Variants in MTUS2 observed in about 807,000 individuals in gnomAD.
MTUS2 encodes the protein microtubule-associated tumor suppressor candidate 2.
In MTUS2, 40 loss-of-function variants were observed where a neutral mutation model predicts 114.1. The observed-to-expected ratio is 0.35, with a 90% CI of 0.27 to 0.46. The LOEUF (loss-of-function observed/expected upper bound fraction) is 0.46. Ranked by LOEUF, MTUS2 falls within the 20% of genes least tolerant of loss-of-function variation. The pLI is 1.00. For synonymous variants in MTUS2, 688 were observed against 672.0 expected, an observed-to-expected ratio of 1.02 and a Z score of -0.37; for missense variants, 1,679 against 1,705.4, an observed-to-expected ratio of 0.98 and a Z score of 0.27.
At chr13:29,011,578 T>C (rs1885846140) in intron 2 of MTUS2, among the ~76,000 whole-genome samples, 1 of 152,244 alleles carries the variant, frequency 6.6e-6, no homozygotes, top group Non-Finnish European at 1.5e-5. Flanking sequence ...GCATATATCA[T>C]TTATTTTTCC....
At chr13:28,904,808 G>A (rs1593287395) in intron 2 of MTUS2, among the ~76,000 whole-genome samples, 1 of 152,228 alleles carries the variant, frequency 6.6e-6, no homozygotes, top group East Asian at 1.9e-4. Flanking sequence ...TTGGTAGCTT[G>A]ATGGGGATGG....
At chr13:29,345,526 A>G (rs1868574612) in intron 7 of MTUS2, among the ~76,000 whole-genome samples, 1 of 151,234 alleles carries the variant, frequency 6.6e-6, no homozygotes, top group Admixed American at 6.6e-5. Flanking sequence ...TTTTTTATTT[A>G]TTTATGCTGT....
At chr13:28,934,987 C>A (rs2138104884) in intron 2 of MTUS2, among the ~76,000 whole-genome samples, 1 of 130,536 alleles carries the variant, frequency 7.7e-6, no homozygotes, top group East Asian at 2.3e-4. Flanking sequence ...TAGGTGACCA[C>A]TTGTTTCATC....
chr13:28,888,891 T>G (rs192992603), intron 2 of MTUS2, among the ~76,000 whole-genome samples: 5 of 152,306 alleles, frequency 3.3e-5, no homozygotes, highest in African/African-American at 1.2e-4. Context: ...AATTGCATTG[T>G]CAAGTGTCCA....
chr13:28,849,107 A>G (rs1876081112), intron 2 of MTUS2, among the ~76,000 whole-genome samples: 1 of 152,232 alleles, frequency 6.6e-6, no homozygotes, highest in Admixed American at 6.5e-5. Flanking sequence ...CCCAGTGTCT[A>G]GCACAGACCC....
In MTUS2 at chr13:29,025,492, A is replaced by T; in HGVS notation, c.794A>T (p.His265Leu). 1 of 1,613,556 alleles carries T rather than the reference A, an allele frequency of 6.2e-7. No homozygotes were observed. Among genetic ancestry groups the T allele is most frequent in the Non-Finnish European group, 8.5e-7 (1 of 1,179,700 alleles). Residue 265 changes from histidine (H) to leucine (L), a missense_variant, in exon 3 of 16, where the codon CAT becomes CTT. Physicochemically the swap from His to Leu is moderately conservative, Grantham distance 99. Coordinates refer to ENST00000612955, the MANE Select transcript of MTUS2 (RefSeq NM_001033602.4). ...TCAGAGACCCAAACAGTGGGGGCAC[A>T]TGTACTGCAGGTGTGCAGTGAGCAC... ...TPSETQTVGA[H>L]VLQVCSEHTS...
chr13:29,377,723 G>A (rs1040347530), intron 8 of MTUS2, among the ~76,000 whole-genome samples: 1 of 151,948 alleles, frequency 6.6e-6, no homozygotes. Context: ...AAACAGGAAA[G>A]CAAAACAAAC....
intron 2 of MTUS2, among the ~76,000 whole-genome samples, chr13:29,012,702 A>G (rs1000815740): frequency 3.3e-5 from 5 of 151,970 alleles, no homozygotes; most frequent in South Asian, 2.1e-4. Flanking sequence ...TGCAACCCCC[A>G]TCTCCACTAA....
chr13:29,498,266 G>A, intron 13 of MTUS2, 152 bp from the exon 14 acceptor site: 1 of 1,109,944 alleles, frequency 9.0e-7, no homozygotes, highest in Non-Finnish European at 1.3e-6. Context: ...CCTTTATCAG[G>A]GAAGGCTGTG....
intron 8 of MTUS2, among the ~76,000 whole-genome samples, chr13:29,435,416 C>T (rs1328438958): frequency 6.6e-6 from 1 of 152,168 alleles, no homozygotes; most frequent in Non-Finnish European, 1.5e-5. Context: ...TAGAGGAGGC[C>T]TTGATCATAT....
At chr13:29,344,828 C>T (rs542175800) in intron 7 of MTUS2, among the ~76,000 whole-genome samples, 1 of 152,236 alleles carries the variant, frequency 6.6e-6, no homozygotes, top group South Asian at 2.1e-4. Context: ...TTATAACTCC[C>T]TTTAGCAATC....
intron 5 of MTUS2, among the ~76,000 whole-genome samples, chr13:29,130,241 T>A (rs1164605085): frequency 4.6e-5 from 7 of 152,178 alleles, no homozygotes. Flanking sequence ...TCCAGCTCTT[T>A]CTTTGACTCA....
At chr13:29,450,213 A>C (rs1470166412) in intron 9 of MTUS2, among the ~76,000 whole-genome samples, 1 of 152,092 alleles carries the variant, frequency 6.6e-6, no homozygotes, top group African/African-American at 2.4e-5. Flanking sequence ...GTCACAAGTC[A>C]AATTTAGCCA....
chr13:29,440,919 G>A (rs1316053574), intron 9 of MTUS2, among the ~76,000 whole-genome samples: 5 of 152,170 alleles, frequency 3.3e-5, no homozygotes, highest in Non-Finnish European at 7.4e-5. Context: ...CCTCAGGTGT[G>A]CAGTGGACAG....
At chr13:28,825,414 C>T (rs1874197812) in intron 1 of MTUS2, among the ~76,000 whole-genome samples, 1 of 152,140 alleles carries the variant, frequency 6.6e-6, no homozygotes, top group Non-Finnish European at 1.5e-5. Flanking sequence ...GTCTTAATAT[C>T]AGGAACCTAG....
intron 4 of MTUS2, among the ~76,000 whole-genome samples, chr13:29,087,427 A>C (rs1889742089): frequency 6.6e-6 from 1 of 152,230 alleles, no homozygotes; most frequent in African/African-American, 2.4e-5. Context: ...ATGTTGAACC[A>C]ACCTTACATC....
At chr13:29,073,817 G>A (rs568471958) in intron 4 of MTUS2, among the ~76,000 whole-genome samples, 2 of 152,228 alleles carry the variant, frequency 1.3e-5, no homozygotes, top group East Asian at 3.9e-4. Context: ...ATTTTCAGGT[G>A]TGCATGCTCT....
intron 9 of MTUS2, among the ~76,000 whole-genome samples, chr13:29,450,890 C>CA (rs1878634342): frequency 6.6e-6 from 1 of 152,136 alleles, no homozygotes; most frequent in Non-Finnish European, 1.5e-5. Flanking sequence ...ACCAAAAAGA[C>CA]ATAACAATAC....
At chr13:29,378,952 C>G (rs1871970786) in intron 8 of MTUS2, among the ~76,000 whole-genome samples, 1 of 152,092 alleles carries the variant, frequency 6.6e-6, no homozygotes, top group African/African-American at 2.4e-5. Flanking sequence ...GGTGGTCCCC[C>G]CATGCTGTTC....
Sources: gnomAD v4.1 joint callset for allele counts (sites outside exome capture counted in the v4.1 genomes callset) on GRCh38, gnomAD v4.1.1 for gene constraint, MANE v1.5 for transcripts, NCBI Gene and HGNC (gene_info 2026-07-23, HGNC 2026-07-21) for gene names.